ABCA12: variants seen among roughly 807,000 people sequenced by gnomAD.
The protein encoded by ABCA12 is ATP binding cassette subfamily A member 12.
Under a neutral mutation model 293.5 loss-of-function variants are expected in ABCA12, and 156 were observed. The observed-to-expected ratio is 0.53, with a 90% CI of 0.47 to 0.61. The LOEUF is 0.61. Among genes scored for constraint, ABCA12 ranks in the 20% least tolerant of loss-of-function variants. The pLI is 0.00. For synonymous variants in ABCA12, 1,063 were observed against 1,108.0 expected, an observed-to-expected ratio of 0.96 and a Z score of 0.81; for missense variants, 2,797 against 3,090.2, an observed-to-expected ratio of 0.91 and a Z score of 2.25.
At chr2:215,118,408 AAATT>A (rs963147033) in intron 1 of ABCA12, among the ~76,000 whole-genome samples, 2 of 152,130 alleles carry the variant, frequency 1.3e-5, no homozygotes, top group African/African-American at 4.8e-5. Context: ...TCTCAAAAAA[AAATT>A]AATTAATAAA....
intron 6 of ABCA12, among the ~76,000 whole-genome samples, chr2:215,046,498 T>A (rs1056439678): frequency 2.7e-5 from 4 of 147,300 alleles, no homozygotes; most frequent in African/African-American, 1.0e-4. Flanking sequence ...TAATATAATA[T>A]ATATAAGAGC....
At chr2:214,987,200 C>T (rs967495887) in intron 27 of ABCA12, among the ~76,000 whole-genome samples, 3 of 152,074 alleles carry the variant, frequency 2.0e-5, no homozygotes, top group Admixed American at 1.3e-4. Flanking sequence ...CTTAGTGGCC[C>T]GTACTCACTT....
chr2:214,978,761 A>C, intron 32 of ABCA12, 43 bp downstream of exon 32: 4 of 1,584,474 alleles, frequency 2.5e-6, no homozygotes, highest in Non-Finnish European at 3.5e-6. Flanking sequence ...GGGAACAGCA[A>C]GTTATATCAG....
At chr2:214,986,480 T>A (rs1699789567) in intron 28 of ABCA12, 62 bp downstream of exon 28, 1 of 1,495,016 alleles carries the variant, frequency 6.7e-7, no homozygotes, top group Non-Finnish European at 9.3e-7. Flanking sequence ...AGTTTATTTT[T>A]TTTACACCTG....
At chr2:214,943,872 C>A (rs1445600064) in intron 49 of ABCA12, among the ~76,000 whole-genome samples, 3 of 152,192 alleles carry the variant, frequency 2.0e-5, no homozygotes, top group Non-Finnish European at 4.4e-5. Context: ...CTGGGGCAAA[C>A]TATGATATAA....
At chr2:215,070,936 T>G (rs1240118403) in intron 2 of ABCA12, among the ~76,000 whole-genome samples, 1 of 152,002 alleles carries the variant, frequency 6.6e-6, no homozygotes, top group African/African-American at 2.4e-5. Context: ...CTCTCGCACT[T>G]TGGGATGCCA....
chr2:215,037,581 T>C (rs2106038305), intron 7 of ABCA12, among the ~76,000 whole-genome samples: 1 of 152,276 alleles, frequency 6.6e-6, no homozygotes, highest in South Asian at 2.1e-4. Flanking sequence ...AAGACTATAT[T>C]CTATCTTCTA....
rs543657137 is a variant in ABCA12, at chr2:214,973,855, A to T, written c.5562+94T>A. ...CTACTAGCTTCCATAAAATGAACTT[A>T]TACTGATTCTTTGGTAACCTAGAGA... On this transcript the variant is annotated intron_variant, in intron 36 of 52. Transcript: ENST00000272895. 57 of 1,090,844 alleles carry T rather than the reference A, an allele frequency of 5.2e-5. No homozygotes were observed. In the African/African-American group the frequency reaches 7.9e-4, roughly 15 times the overall value. 67.6% of individuals were successfully genotyped at this position (1,090,844 alleles called of 1,614,324 possible).
intron 36 of ABCA12, 107 bp downstream of exon 36, chr2:214,973,842 A>G (rs1365221932): frequency 1.3e-5 from 13 of 974,236 alleles, no homozygotes; most frequent in Non-Finnish European, 2.1e-5. Flanking sequence ...ACTAGCTTCC[A>G]TAAAATGAAC....
rs1206984639 is a variant in ABCA12, at chr2:214,981,968, TATTATTA to T, written c.4579+212_4579+218del. Among the ~76,000 whole-genome samples, 1,032 of 124,472 alleles carry T rather than the reference TATTATTA, an allele frequency of 8.3e-3. 21 individuals are homozygous for T. Among genetic ancestry groups the T allele is most frequent in the South Asian group, 0.035 (147 of 4,184 alleles). The allele number at this position is 124,472 out of a possible 152,430, so 81.7% of individuals were successfully genotyped here. A position where few individuals can be genotyped will look rare whatever the true frequency, so the allele number is the denominator to read the frequency against. On this transcript the variant is annotated intron_variant, in intron 30 of 52. Transcript: ENST00000272895. ...TTATTATTATTATTATTATTATTAT[TATTATTA>T]TTATTATTATTTTATTATTATTGAC...
At chr2:215,041,634 A>T (rs1243062777) in intron 7 of ABCA12, among the ~76,000 whole-genome samples, 1 of 152,234 alleles carries the variant, frequency 6.6e-6, no homozygotes. Flanking sequence ...ATAGACTATC[A>T]TATATGATCC....
chr2:215,083,464 C>T (rs533469974), intron 2 of ABCA12, among the ~76,000 whole-genome samples: 11 of 152,124 alleles, frequency 7.2e-5, no homozygotes, highest in Admixed American at 2.0e-4. Context: ...CCAGAGTGTC[C>T]GATGGTTTTA....
At chr2:214,971,778 T>C (rs527547349) in intron 36 of ABCA12, among the ~76,000 whole-genome samples, 4 of 152,246 alleles carry the variant, frequency 2.6e-5, no homozygotes, top group African/African-American at 9.6e-5. Flanking sequence ...ATAGTAAGAG[T>C]GGAATTGCAG....
intron 9 of ABCA12, chr2:215,029,472 T>C (rs1337118287): frequency 6.6e-6 from 1 of 152,208 alleles, no homozygotes; most frequent in Non-Finnish European, 1.5e-5. Context: ...TCTGTCATCA[T>C]TGTTACAACA....
Position 214,970,535 on chromosome 2 carries a change from T to C in ABCA12, c.5563-135A>G, listed in dbSNP as rs1238371146. 1.3e-5 allele frequency: 12 copies of C among 945,070 alleles called. No individual in the cohort carries two copies. In the African/African-American group the frequency reaches 1.5e-4, roughly 12 times the overall value. The allele number at this position is 945,070 out of a possible 1,614,324, so 58.5% of individuals were successfully genotyped here. ...GAGTGTGATAAGACTGTCCTTTGACTCTAAAGAGCTTTGAAAAAGAAGTCA... is the reference window on the plus strand; with the variant it reads ...GAGTGTGATAAGACTGTCCTTTGACCCTAAAGAGCTTTGAAAAAGAAGTCA... On this transcript the variant is annotated intron_variant, in intron 36 of 52. Coordinates refer to ENST00000272895, the MANE Select transcript of ABCA12 (RefSeq NM_173076.3).
rs75435163 is a variant in ABCA12, at chr2:214,953,403, G to T, written c.6647+451C>A. Among the ~76,000 whole-genome samples, 50 of 152,306 alleles carry T rather than the reference G, an allele frequency of 3.3e-4. No individual in the cohort carries two copies. In the East Asian group the frequency reaches 9.6e-3, roughly 29 times the overall value. ...AATGGAATTGCTGGGTCAATGGCAT[G>T]TGTATTTCTTCTCATTTATGATGCT... On this transcript the variant is annotated intron_variant, in intron 44 of 52. Transcript: ENST00000272895.
intron 22 of ABCA12, among the ~76,000 whole-genome samples, chr2:215,000,482 G>C (rs1239268267): frequency 6.6e-6 from 1 of 152,054 alleles, no homozygotes; most frequent in East Asian, 1.9e-4. Context: ...GAGAGCTAAG[G>C]GTTTTTATAG....
chr2:215,064,159 A>T lies in ABCA12; in HGVS notation c.224T>A (p.Leu75His), dbSNP rs147793298. ...TGFFPFLQTL[L>H]CDTDSKCKDT... ...TTTGCATTTAGAGTCTGTGTCACAG[A>T]GTAGGGTCTGCAGGAATGGAAAGAA... Residue 75 changes from leucine to histidine, a missense_variant, in exon 3 of 53, where the codon CTC (leucine) becomes CAC (histidine). Physicochemically the swap from Leu to His is moderately conservative, Grantham distance 99. Coordinates refer to ENST00000272895, the MANE Select transcript of ABCA12 (RefSeq NM_173076.3). 51 of 1,612,820 alleles carry T rather than the reference A, an allele frequency of 3.2e-5. No individual in the cohort carries two copies. Among genetic ancestry groups the T allele is most frequent in the Non-Finnish European group, 4.2e-5 (50 of 1,179,264 alleles).
chr2:214,958,484 C>G, intron 40 of ABCA12, 30 bp from the exon 41 acceptor site: 4 of 1,610,226 alleles, frequency 2.5e-6, no homozygotes, highest in Non-Finnish European at 3.4e-6. Context: ...GAGGAAAACA[C>G]ACATAAGTTT....
Sources: gnomAD v4.1 joint callset for allele counts (sites outside exome capture counted in the v4.1 genomes callset) on GRCh38, gnomAD v4.1.1 for gene constraint, MANE v1.5 for transcripts, NCBI Gene and HGNC (gene_info 2026-07-23, HGNC 2026-07-21) for gene names.